Variants in AP1AR observed in about 807,000 individuals in gnomAD.
The protein encoded by AP1AR is AP-1 complex-associated regulatory protein.
AP1AR carries 29 observed loss-of-function variants against 46.3 expected under a neutral mutation model. The observed-to-expected ratio is 0.63, with a 90% CI of 0.47 to 0.85. AP1AR has a LOEUF of 0.85. Ranked by LOEUF, AP1AR falls within the 40% of genes least tolerant of loss-of-function variation. The pLI is 0.00. For missense variants in AP1AR, 357 were observed against 356.3 expected (o/e 1.00, Z -0.02); for synonymous variants, 122 against 122.9 (o/e 0.99, Z 0.05).
intron 5 of AP1AR, 38 bp downstream of exon 5, chr4:112,260,900 A>T: frequency 7.9e-7 from 1 of 1,272,502 alleles, no homozygotes; most frequent in Non-Finnish European, 1.1e-6. Flanking sequence ...ACATGTTATC[A>T]TAAAGAGAGA....
Position 112,260,875 on chromosome 4 carries a change from T to C in AP1AR, c.282+13T>C. The stretch of plus-strand genomic sequence containing the variant: ...AATTCAAAAAGAGGTAAATTGTCTT[T>C]TATATTGCTTAAGTACATGTTATCA... On this transcript the variant is annotated intron_variant, in intron 5 of 9. Coordinates refer to ENST00000274000, the MANE Select transcript of AP1AR (RefSeq NM_018569.6). The C allele has an allele frequency of 1.4e-6, 2 of 1,472,886 alleles. 1 individual carries two copies. 91.2% of individuals were successfully genotyped at this position (1,472,886 alleles called of 1,614,324 possible).
At chr4:112,245,854 A>T (rs1429648242) in intron 1 of AP1AR, among the ~76,000 whole-genome samples, 1 of 152,204 alleles carries the variant, frequency 6.6e-6, no homozygotes, top group East Asian at 1.9e-4. Flanking sequence ...AATTGAAGAA[A>T]ATAAAATGTT....
chr4:112,265,896 C>A (rs916522315), intron 8 of AP1AR, 89 bp downstream of exon 8: 1 of 799,046 alleles, frequency 1.3e-6, no homozygotes, highest in African/African-American at 1.8e-5. Flanking sequence ...GAAGAACTTT[C>A]TGTTCTTAAA....
In AP1AR at chr4:112,272,760, A is replaced by G. The variant is rs1173834031; in HGVS notation, c.*4351A>G. On this transcript the variant is annotated 3_prime_UTR_variant, in exon 10 of 10. Coordinates refer to ENST00000274000, the MANE Select transcript of AP1AR (RefSeq NM_018569.6). ...TCTTTCTCCCAAGAAGACAAAGATC[A>G]AGGACTATGGAGCGTGCCCATACTC... 6.6e-6 allele frequency among the ~76,000 whole-genome samples: 1 copy of G among 152,166 alleles called. No individual in the cohort carries two copies. Among genetic ancestry groups the G allele is most frequent in the Non-Finnish European group, 1.5e-5 (1 of 68,038 alleles).
chr4:112,260,731 T>C (rs1437165660), intron 4 of AP1AR, 35 bp from the exon 5 acceptor site: 8 of 1,438,930 alleles, frequency 5.6e-6, no homozygotes. Context: ...GAAGTTTTTG[T>C]TTTTTCTTTT....
Position 112,255,662 on chromosome 4 carries a change from T to A in AP1AR, c.159+889T>A, listed in dbSNP as rs754964991. Reference sequence around the variant, plus strand: ...TTCTGACTTTAGCCATCATCTCTTTTATCTTTTCTTTATGTTGATTTTCTA... The same window carrying A: ...TTCTGACTTTAGCCATCATCTCTTTAATCTTTTCTTTATGTTGATTTTCTA... On this transcript the variant is annotated intron_variant, in intron 3 of 9. Transcript: ENST00000274000. Among the ~76,000 whole-genome samples the A allele has an allele frequency of 2.6e-5, 4 of 152,240 alleles. No individual in the cohort carries two copies. In the East Asian group the frequency reaches 7.7e-4, roughly 29 times the overall value.
intron 1 of AP1AR, among the ~76,000 whole-genome samples, chr4:112,241,453 C>T (rs188246324): frequency 5.3e-5 from 8 of 152,276 alleles, no homozygotes; most frequent in Middle Eastern, 3.4e-3. Context: ...AGTTCATGGG[C>T]GGAAGACCAG....
intron 1 of AP1AR, among the ~76,000 whole-genome samples, chr4:112,232,679 A>G (rs1297905794): frequency 2.6e-5 from 4 of 152,220 alleles, no homozygotes; most frequent in Non-Finnish European, 5.9e-5. Context: ...CCAGATACTG[A>G]TGAACTCTGG....
At chr4:112,262,616 T>C (rs559840430) in intron 5 of AP1AR, among the ~76,000 whole-genome samples, 2 of 151,788 alleles carry the variant, frequency 1.3e-5, no homozygotes, top group East Asian at 1.9e-4. Context: ...AGTGACGTAA[T>C]TGATCTTAAA....
At chr4:112,255,315 C>T (rs111654153) in intron 3 of AP1AR, among the ~76,000 whole-genome samples, 20 of 152,092 alleles carry the variant, frequency 1.3e-4, no homozygotes, top group African/African-American at 1.2e-4. Flanking sequence ...GGATTTAAAG[C>T]GTTATACAGA....
chr4:112,266,492 A>G, intron 8 of AP1AR, 96 bp from the exon 9 acceptor site: 1 of 1,150,946 alleles, frequency 8.7e-7, no homozygotes, highest in Non-Finnish European at 1.2e-6. Context: ...AGTAATAATA[A>G]TAATATTTAG....
At chr4:112,248,847 G>A (rs1215787023) in intron 1 of AP1AR, among the ~76,000 whole-genome samples, 1 of 152,160 alleles carries the variant, frequency 6.6e-6, no homozygotes, top group African/African-American at 2.4e-5. Context: ...AATGTGCCAA[G>A]TAGAGTTTTG....
chr4:112,247,185 C>T (rs1725760239), intron 1 of AP1AR, among the ~76,000 whole-genome samples: 1 of 152,098 alleles, frequency 6.6e-6, no homozygotes, highest in South Asian at 2.1e-4. Context: ...TTGGTAGTAA[C>T]ATGAAGTGTA....
chr4:112,232,275 C>A, intron 1 of AP1AR, 101 bp downstream of exon 1: 2 of 1,026,162 alleles, frequency 1.9e-6, no homozygotes, highest in South Asian at 7.7e-5. Flanking sequence ...AGGTGGCGGT[C>A]GAGAGCCCTG....
intron 1 of AP1AR, among the ~76,000 whole-genome samples, chr4:112,242,406 G>T (rs1725542037): frequency 6.6e-6 from 1 of 151,810 alleles, no homozygotes; most frequent in African/African-American, 2.4e-5. Context: ...TCTGTCTTAG[G>T]CTGTGTCGAC....
At chr4:112,243,135 C>A (rs562406184) in intron 1 of AP1AR, among the ~76,000 whole-genome samples, 2 of 152,290 alleles carry the variant, frequency 1.3e-5, no homozygotes, top group South Asian at 4.2e-4. Flanking sequence ...GTTAAATGCA[C>A]ATATTATGTG....
chr4:112,251,900 G>T (rs1725977492), intron 1 of AP1AR, among the ~76,000 whole-genome samples: 1 of 152,204 alleles, frequency 6.6e-6, no homozygotes, highest in African/African-American at 2.4e-5. Context: ...AGGAAAAATA[G>T]TTCCCATAAT....
At chr4:112,244,455 A>G (rs778497728) in intron 1 of AP1AR, among the ~76,000 whole-genome samples, 2 of 152,194 alleles carry the variant, frequency 1.3e-5, no homozygotes, top group Non-Finnish European at 2.9e-5. Flanking sequence ...TTCTTAGTCA[A>G]CTTGAAGGTG....
At chr4:112,236,053 A>C (rs751507223) in intron 1 of AP1AR, among the ~76,000 whole-genome samples, 18 of 151,754 alleles carry the variant, frequency 1.2e-4, no homozygotes, top group Non-Finnish European at 2.1e-4. Context: ...CATTCCTATG[A>C]TTTCAACCAC....
Sources: allele counts gnomAD v4.1 joint callset (sites outside exome capture counted in the v4.1 genomes callset), GRCh38; gene constraint gnomAD v4.1.1; transcripts MANE v1.5; gene names NCBI Gene and HGNC (gene_info 2026-07-23, HGNC 2026-07-21).